Variants in CNTN5 observed in about 807,000 individuals in gnomAD.
CNTN5 encodes the protein contactin-5.
CNTN5 carries 77 observed loss-of-function variants against 129.1 expected under a neutral mutation model. That is an observed-to-expected ratio of 0.60 (90% CI 0.50 to 0.72). The LOEUF is 0.72. CNTN5 is among the 30% of genes least tolerant of loss of function. CNTN5 has a pLI of 0.00. For synonymous variants in CNTN5, 509 were observed against 465.6 expected, an observed-to-expected ratio of 1.09 and a Z score of -1.20; for missense variants, 1,478 against 1,328.8, an observed-to-expected ratio of 1.11 and a Z score of -1.75.
intron 1 of CNTN5, among the ~76,000 whole-genome samples, chr11:99,313,848 G>A (rs1865221025): frequency 6.6e-6 from 1 of 152,090 alleles, no homozygotes; most frequent in African/African-American, 2.4e-5. Context: ...TTTGCCATCA[G>A]TTTATATTGC....
chr11:99,156,941 AG>A (rs1860364055), intron 1 of CNTN5, among the ~76,000 whole-genome samples: 1 of 152,052 alleles, frequency 6.6e-6, no homozygotes, highest in South Asian at 2.1e-4. Flanking sequence ...AGTGTTTGGA[AG>A]GGATAATTGT....
intron 1 of CNTN5, among the ~76,000 whole-genome samples, chr11:99,320,222 A>G (rs1010451262): frequency 6.6e-6 from 1 of 152,168 alleles, no homozygotes; most frequent in African/African-American, 2.4e-5. Flanking sequence ...AGCCTGGGCA[A>G]CAGAGCAAGA....
chr11:99,777,428 T>C lies in CNTN5; in HGVS notation c.56-42116T>C, dbSNP rs551310490. On this transcript the variant is annotated intron_variant, in intron 3 of 24. Transcript: ENST00000524871. ...TCTGGCAAAATAAATCACGAATGTA[T>C]AAATGCAAAATTAAGAGAGTAAACG... Among the ~76,000 whole-genome samples, 3 of 151,994 alleles carry C rather than the reference T, an allele frequency of 2.0e-5. No homozygotes were observed. In the East Asian group the frequency reaches 5.8e-4, roughly 30 times the overall value.
At chr11:100,166,613 A>ACGT (rs1555027233) in intron 13 of CNTN5, among the ~76,000 whole-genome samples, 2 of 151,606 alleles carry the variant, frequency 1.3e-5, no homozygotes, top group African/African-American at 4.9e-5. Context: ...TTAAGAAGAA[A>ACGT]TGTTATAAGA....
chr11:99,306,565 C>A lies in CNTN5; in HGVS notation c.-209-18781C>A, dbSNP rs1864881989. Among the ~76,000 whole-genome samples, 3 of 151,850 alleles carry A rather than the reference C, an allele frequency of 2.0e-5. No individual in the cohort carries two copies. In the South Asian group the frequency reaches 6.2e-4, roughly 32 times the overall value. Reference sequence around the variant, plus strand: ...GAGTTTGAATTGTTAATATGAATTTCTCTAACTTTTAGATATAAATTAAAC... The same window carrying A: ...GAGTTTGAATTGTTAATATGAATTTATCTAACTTTTAGATATAAATTAAAC... On this transcript the variant is annotated intron_variant, in intron 1 of 24. Transcript: ENST00000524871.
At chr11:99,371,980 A>G (rs1457731329) in intron 2 of CNTN5, among the ~76,000 whole-genome samples, 1 of 152,230 alleles carries the variant, frequency 6.6e-6, no homozygotes, top group Non-Finnish European at 1.5e-5. Flanking sequence ...GTAAGTGAGG[A>G]TGAGACCCTA....
intron 7 of CNTN5, among the ~76,000 whole-genome samples, chr11:99,925,768 G>T (rs1950047009): frequency 6.6e-6 from 1 of 151,818 alleles, no homozygotes; most frequent in Admixed American, 6.6e-5. Context: ...CCTAGTTTAA[G>T]ACAGGCAGAC....
chr11:99,637,175 T>C (rs116629520), intron 3 of CNTN5, among the ~76,000 whole-genome samples: 1 of 151,788 alleles, frequency 6.6e-6, no homozygotes, highest in African/African-American at 2.4e-5. Context: ...CCTTACCCTG[T>C]CCAAATTCTG....
intron 8 of CNTN5, among the ~76,000 whole-genome samples, chr11:99,971,892 A>C (rs1267595898): frequency 6.6e-6 from 1 of 151,268 alleles, no homozygotes; most frequent in Non-Finnish European, 1.5e-5. Context: ...CTAGCAGGCC[A>C]GCACTCAATA....
intron 3 of CNTN5, among the ~76,000 whole-genome samples, chr11:99,649,309 A>G (rs567000622): frequency 6.6e-6 from 1 of 151,896 alleles, no homozygotes; most frequent in South Asian, 2.1e-4. Flanking sequence ...TATTTATTCA[A>G]CCATTTAGTT....
At chr11:99,159,413 G>A (rs1220734581) in intron 1 of CNTN5, among the ~76,000 whole-genome samples, 2 of 152,162 alleles carry the variant, frequency 1.3e-5, no homozygotes, top group Non-Finnish European at 1.5e-5. Context: ...ACGAGGTCAG[G>A]AGATCGAGAC....
In CNTN5 at chr11:99,940,524, G is replaced by A. The variant is rs916452556; in HGVS notation, c.674-16282G>A. 1.7e-4 allele frequency among the ~76,000 whole-genome samples: 26 copies of A among 152,082 alleles called. 1 individual carries two copies. Among genetic ancestry groups the A allele is most frequent in the Non-Finnish European group, 4.4e-5 (3 of 68,010 alleles). ...CTCCTACATCATTTAATCATAAAGTGTTTATTTAGGTACAGTATTACAACG... is the reference window on the plus strand; with the variant it reads ...CTCCTACATCATTTAATCATAAAGTATTTATTTAGGTACAGTATTACAACG... On this transcript the variant is annotated intron_variant, in intron 7 of 24. Coordinates refer to ENST00000524871, the MANE Select transcript of CNTN5 (RefSeq NM_014361.4).
chr11:99,481,274 C>T (rs1945590561), intron 2 of CNTN5, among the ~76,000 whole-genome samples: 1 of 152,128 alleles, frequency 6.6e-6, no homozygotes, highest in African/African-American at 2.4e-5. Context: ...TTATCTACAT[C>T]ATATCATGCT....
At chr11:99,097,805 C>A (rs537467060) in intron 1 of CNTN5, among the ~76,000 whole-genome samples, 1 of 151,766 alleles carries the variant, frequency 6.6e-6, no homozygotes, top group Non-Finnish European at 1.5e-5. Context: ...ACAATTTATA[C>A]TTTAAGTTAG....
chr11:99,968,656 C>CTCTTTTTTTTTTT (rs1951161575), intron 8 of CNTN5, among the ~76,000 whole-genome samples: 1 of 73,870 alleles, frequency 1.4e-5, no homozygotes, highest in African/African-American at 4.8e-5. Flanking sequence ...GCTTTGGGTA[C>CTCTTTTTTTTTTT]TTTTTTTTTT....
intron 1 of CNTN5, among the ~76,000 whole-genome samples, chr11:99,188,688 C>T (rs753620457): frequency 6.6e-6 from 1 of 151,578 alleles, no homozygotes; most frequent in African/African-American, 2.4e-5. Flanking sequence ...ATATTAAATA[C>T]GTTCTCATGC....
chr11:100,051,746 A>G (rs1353405896), intron 9 of CNTN5, among the ~76,000 whole-genome samples: 2 of 152,048 alleles, frequency 1.3e-5, no homozygotes, highest in African/African-American at 2.4e-5. Context: ...ACCAATATCA[A>G]TCATGAAAGA....
At chr11:100,336,936 G>T (rs1370838708) in intron 21 of CNTN5, 2 of 661,804 alleles carry the variant, frequency 3.0e-6, no homozygotes, top group Non-Finnish European at 5.5e-6. Flanking sequence ...GGTAGGCTTT[G>T]GATCGCGGGC....
At chr11:99,854,100 T>A (rs770460783) in intron 6 of CNTN5, among the ~76,000 whole-genome samples, 60 of 152,186 alleles carry the variant, frequency 3.9e-4, no homozygotes, top group Non-Finnish European at 7.8e-4. Context: ...GCAATGGACA[T>A]ATTAATAGTG....
Sources: gnomAD v4.1 joint callset for allele counts (sites outside exome capture counted in the v4.1 genomes callset) on GRCh38, gnomAD v4.1.1 for gene constraint, MANE v1.5 for transcripts, NCBI Gene and HGNC (gene_info 2026-07-23, HGNC 2026-07-21) for gene names.